HS6ST3: variants seen among roughly 807,000 people sequenced by gnomAD.
The protein encoded by HS6ST3 is heparan sulfate 6-O-sulfotransferase 3.
In HS6ST3, 12 loss-of-function variants were observed where a neutral mutation model predicts 36.7. That is an observed-to-expected ratio of 0.33 (90% CI 0.21 to 0.53). The LOEUF is 0.53. HS6ST3 is among the 20% of genes least tolerant of loss of function. The pLI, the probability that HS6ST3 is intolerant of heterozygous loss-of-function variation, is 0.95. For synonymous variants in HS6ST3, 240 were observed against 257.5 expected (o/e 0.93, Z 0.65); for missense variants, 584 against 640.9 (o/e 0.91, Z 0.96).
chr13:96,417,696 ATATT>A (rs2055541066), intron 1 of HS6ST3, among the ~76,000 whole-genome samples: 3 of 144,090 alleles, frequency 2.1e-5, no homozygotes, highest in Admixed American at 6.9e-5. Flanking sequence ...ATATACCTAT[ATATT>A]TATATGTACG....
intron 1 of HS6ST3, among the ~76,000 whole-genome samples, chr13:96,773,488 C>T (rs752495371): frequency 3.9e-5 from 6 of 152,038 alleles, no homozygotes; most frequent in African/African-American, 1.5e-4. Flanking sequence ...GAGCTTGGTC[C>T]GGGGAGAGGC....
intron 1 of HS6ST3, among the ~76,000 whole-genome samples, chr13:96,119,969 C>T (rs1349479552): frequency 1.3e-5 from 2 of 151,812 alleles, no homozygotes; most frequent in Non-Finnish European, 2.9e-5. Flanking sequence ...AAGTTCTAAC[C>T]CCTAGTACTT....
At chr13:96,431,225 AAACAACAACAACAAC>A (rs71213616) in intron 1 of HS6ST3, among the ~76,000 whole-genome samples, 3 of 150,434 alleles carry the variant, frequency 2.0e-5, no homozygotes, top group Admixed American at 6.6e-5. Context: ...ACAAACAAAC[AAACAACAACAACAAC>A]AACAACAACA....
intron 1 of HS6ST3, among the ~76,000 whole-genome samples, chr13:96,664,172 G>T (rs142050603): frequency 3.8e-4 from 58 of 152,000 alleles, no homozygotes; most frequent in Non-Finnish European, 7.6e-4. Flanking sequence ...AGGAAATCTC[G>T]GCTTTCTCAT....
intron 1 of HS6ST3, among the ~76,000 whole-genome samples, chr13:96,273,327 G>A (rs2054730550): frequency 1.3e-5 from 2 of 151,970 alleles, no homozygotes; most frequent in Non-Finnish European, 2.9e-5. Context: ...TGAGATGCTA[G>A]GACATTTTTC....
chr13:96,817,773 C>A (rs1205917060), intron 1 of HS6ST3, among the ~76,000 whole-genome samples: 1 of 152,100 alleles, frequency 6.6e-6, no homozygotes, highest in Non-Finnish European at 1.5e-5. Context: ...CAACAGGTGA[C>A]CTTTTTTTCT....
rs373650834 is a variant in HS6ST3, at chr13:96,519,469, A to G, written c.708-313021A>G. Among the ~76,000 whole-genome samples the G allele has an allele frequency of 2.0e-5, 3 of 152,192 alleles. No individual in the cohort carries two copies. The East Asian group carries it at 5.8e-4, about 29-fold the overall frequency. ...CCTACCACTGGGGAAGAGAGGAACA[A>G]ATGGATGGGTGTTTCTGGGCATGGT... On this transcript the variant is annotated intron_variant, in intron 1 of 1. Transcript: ENST00000376705.
At chr13:96,706,413 T>TATA (rs1555319827) in intron 1 of HS6ST3, among the ~76,000 whole-genome samples, 21 of 121,028 alleles carry the variant, frequency 1.7e-4, no homozygotes, top group Non-Finnish European at 3.3e-4. Context: ...AGAATATATT[T>TATA]TATATATATA....
intron 1 of HS6ST3, among the ~76,000 whole-genome samples, chr13:96,488,922 A>G (rs747401605): frequency 1.3e-4 from 20 of 152,062 alleles, no homozygotes; most frequent in Non-Finnish European, 2.8e-4. Flanking sequence ...GAAAATAGAT[A>G]TAAAAAATTG....
chr13:96,487,605 C>G (rs939961047), intron 1 of HS6ST3, among the ~76,000 whole-genome samples: 4 of 152,032 alleles, frequency 2.6e-5, no homozygotes, highest in African/African-American at 9.7e-5. Context: ...ATTTATATTT[C>G]CACATTCATG....
At chr13:96,124,919 C>T (rs2053943385) in intron 1 of HS6ST3, among the ~76,000 whole-genome samples, 1 of 152,038 alleles carries the variant, frequency 6.6e-6, no homozygotes, top group Non-Finnish European at 1.5e-5. Context: ...AGAGATATAC[C>T]ATACTCTTGG....
chr13:96,488,043 A>C (rs996366050), intron 1 of HS6ST3, among the ~76,000 whole-genome samples: 1 of 152,142 alleles, frequency 6.6e-6, no homozygotes, highest in Admixed American at 6.5e-5. Context: ...AAACTCACAC[A>C]ATCAGAATCT....
At chr13:96,711,496 T>C (rs962016661) in intron 1 of HS6ST3, among the ~76,000 whole-genome samples, 1 of 152,258 alleles carries the variant, frequency 6.6e-6, no homozygotes, top group African/African-American at 2.4e-5. Flanking sequence ...TAATTCTCTG[T>C]GTGAAAATAG....
At chr13:96,117,402 TA>T (rs2053898848) in intron 1 of HS6ST3, among the ~76,000 whole-genome samples, 1 of 152,152 alleles carries the variant, frequency 6.6e-6, no homozygotes, top group Non-Finnish European at 1.5e-5. Context: ...ATTGCACATT[TA>T]AAATAAAGAA....
At chr13:96,120,896 A>T (rs1344757759) in intron 1 of HS6ST3, among the ~76,000 whole-genome samples, 1 of 152,224 alleles carries the variant, frequency 6.6e-6, no homozygotes, top group East Asian at 1.9e-4. Flanking sequence ...AACGTTGTAT[A>T]TTAGGTCATT....
chr13:96,147,330 C>T (rs1385207924), intron 1 of HS6ST3, among the ~76,000 whole-genome samples: 2 of 152,206 alleles, frequency 1.3e-5, no homozygotes, highest in African/African-American at 4.8e-5. Flanking sequence ...CTTTGACCAC[C>T]TCATTAACTG....
intron 1 of HS6ST3, among the ~76,000 whole-genome samples, chr13:96,689,407 G>T (rs903506413): frequency 6.6e-6 from 1 of 151,808 alleles, no homozygotes; most frequent in Non-Finnish European, 1.5e-5. Flanking sequence ...TTGATCTGTA[G>T]CAAATTTAAC....
intron 1 of HS6ST3, among the ~76,000 whole-genome samples, chr13:96,743,107 G>A (rs550166047): frequency 1.3e-5 from 2 of 152,128 alleles, no homozygotes; most frequent in South Asian, 4.1e-4. Context: ...AGGAATATGA[G>A]CTCTCCAAGA....
chr13:96,177,627 G>T (rs2054218675), intron 1 of HS6ST3, among the ~76,000 whole-genome samples: 2 of 151,904 alleles, frequency 1.3e-5, no homozygotes, highest in Admixed American at 6.6e-5. Context: ...AGATATGGGG[G>T]TCTTGTTTTG....
Sources: gnomAD v4.1 joint callset for allele counts (sites outside exome capture counted in the v4.1 genomes callset) on GRCh38, gnomAD v4.1.1 for gene constraint, MANE v1.5 for transcripts, NCBI Gene and HGNC (gene_info 2026-07-23, HGNC 2026-07-21) for gene names.